The following FAF2 variants were observed in gnomAD, a reference collection of about 807,000 sequenced individuals.
FAF2 encodes FAS-associated factor 2.
In FAF2, 9 loss-of-function variants were observed where a neutral mutation model predicts 62.3. That is an observed-to-expected ratio of 0.14 (90% CI 0.09 to 0.25). FAF2 has a LOEUF of 0.25. Ranked by LOEUF, FAF2 falls within the 10% of genes least tolerant of loss-of-function variation. The pLI, the probability that FAF2 is intolerant of heterozygous loss-of-function variation, is 1.00. For synonymous variants in FAF2, 202 were observed against 198.0 expected (o/e 1.02, Z -0.17); for missense variants, 368 against 556.2 (o/e 0.66, Z 3.40).
intron 7 of FAF2, among the ~76,000 whole-genome samples, chr5:176,495,977 C>T (rs532842005): frequency 6.6e-6 from 1 of 152,102 alleles, no homozygotes; most frequent in Admixed American, 6.6e-5. Flanking sequence ...AGCCTTGTGC[C>T]CTTTTAGGTT....
chr5:176,482,931 A>G (rs950443665), intron 2 of FAF2, among the ~76,000 whole-genome samples: 11 of 151,634 alleles, frequency 7.3e-5, no homozygotes, highest in African/African-American at 1.5e-4. Context: ...TATTTTTAGT[A>G]GTGTTGGCCA....
intron 1 of FAF2, among the ~76,000 whole-genome samples, chr5:176,448,964 G>A (rs1416097573): frequency 2.6e-5 from 4 of 152,082 alleles, no homozygotes; most frequent in Non-Finnish European, 5.9e-5. Context: ...CGGGGAGGGG[G>A]CACCTACACA....
Position 176,507,007 on chromosome 5 carries a change from G to C in FAF2, c.*57G>C. On this transcript the variant is annotated 3_prime_UTR_variant, in exon 11 of 11. Coordinates refer to ENST00000261942, the MANE Select transcript of FAF2 (RefSeq NM_014613.3). ...GTCCCTAAAAGAAATGGGGAAAAAAGAAAACAACAGCAAGTCAGAAAAAAA... is the reference window on the plus strand; with the variant it reads ...GTCCCTAAAAGAAATGGGGAAAAAACAAAACAACAGCAAGTCAGAAAAAAA... The C allele has an allele frequency of 2.5e-6, 3 of 1,183,668 alleles. No homozygotes were observed. The highest frequency in any genetic ancestry group is 2.2e-6 in the Non-Finnish European group (2 of 904,086). The allele number at this position is 1,183,668 out of a possible 1,614,324, so 73.3% of individuals were successfully genotyped here. A position where few individuals can be genotyped will look rare whatever the true frequency, so the allele number is the denominator to read the frequency against.
rs149950028 is a variant in FAF2 at position 176,505,213 on chromosome 5, A to G, written c.1156-1555A>G. 2.3e-3 allele frequency among the ~76,000 whole-genome samples: 353 copies of G among 152,270 alleles called. 2 individuals carry two copies. The highest frequency in any genetic ancestry group is 8.3e-3 in the African/African-American group (346 of 41,562). ...TTCGTCATCTTTGGGGTTGATCTGAATGAGGTTGGCAGAATTGTTGTTAGA... is the reference window on the plus strand; with the variant it reads ...TTCGTCATCTTTGGGGTTGATCTGAGTGAGGTTGGCAGAATTGTTGTTAGA... On this transcript the variant is annotated intron_variant, in intron 10 of 10. Coordinates refer to ENST00000261942, the MANE Select transcript of FAF2 (RefSeq NM_014613.3).
chr5:176,459,169 C>G (rs899760680), intron 1 of FAF2, among the ~76,000 whole-genome samples: 4 of 149,530 alleles, frequency 2.7e-5, no homozygotes, highest in African/African-American at 9.9e-5. Context: ...TTTTTTTTCT[C>G]TTTCTCTTTG....
At chr5:176,475,290 C>T (rs962293114) in intron 1 of FAF2, among the ~76,000 whole-genome samples, 8 of 151,996 alleles carry the variant, frequency 5.3e-5, no homozygotes, top group Non-Finnish European at 7.4e-5. Flanking sequence ...CCACCACACC[C>T]GGCTAATTTT....
chr5:176,456,232 C>T lies in FAF2; in HGVS notation c.63+7762C>T, dbSNP rs532995979. ...GATTACAGGTGTGTGCCACCACACC[C>T]GGCTAATTTTTGTATTTTTAGTAGA... On this transcript the variant is annotated intron_variant, in intron 1 of 10. Coordinates refer to ENST00000261942, the MANE Select transcript of FAF2 (RefSeq NM_014613.3). 3.1e-4 allele frequency among the ~76,000 whole-genome samples: 47 copies of T among 152,146 alleles called. 1 individual carries two copies. Among genetic ancestry groups the T allele is most frequent in the Non-Finnish European group, 6.2e-4 (42 of 67,988 alleles).
chr5:176,484,103 C>T (rs910157573), intron 2 of FAF2, among the ~76,000 whole-genome samples: 1 of 151,844 alleles, frequency 6.6e-6, no homozygotes, highest in African/African-American at 2.4e-5. Context: ...AAAAAGGGGG[C>T]AGAGTCTAAA....
intron 8 of FAF2, 112 bp downstream of exon 8, chr5:176,496,775 T>TA: frequency 2.6e-6 from 2 of 775,134 alleles, no homozygotes; most frequent in East Asian, 5.9e-5. Context: ...CGCTATTAGC[T>TA]TTTAGCTTTG....
In FAF2 at chr5:176,507,231, T is replaced by C. The variant is rs1755700719; in HGVS notation, c.*281T>C. On this transcript the variant is annotated 3_prime_UTR_variant, in exon 11 of 11. Transcript: ENST00000261942. ...TGGCCTCTGTGCACGCACCTTCCAG[T>C]GAACAGAGACTCTTCACCTTCGACC... is the stretch of plus-strand genomic sequence containing the variant. 8.9e-6 allele frequency: 4 copies of C among 447,312 alleles called. No individual in the cohort carries two copies. Among genetic ancestry groups the C allele is most frequent in the East Asian group, 1.4e-4 (2 of 14,270 alleles). The allele number at this position is 447,312 out of a possible 1,614,324, so 27.7% of individuals were successfully genotyped here.
At chr5:176,502,996 C>T (rs904724558) in intron 10 of FAF2, among the ~76,000 whole-genome samples, 2 of 150,864 alleles carry the variant, frequency 1.3e-5, no homozygotes, top group Admixed American at 1.3e-4. Flanking sequence ...TGCAGTGGAC[C>T]GAGACTGCGC....
rs540499385 is a variant in FAF2, at chr5:176,505,485, G to T, written c.1156-1283G>T. 4.6e-5 allele frequency among the ~76,000 whole-genome samples: 7 copies of T among 152,276 alleles called. No individual in the cohort carries two copies. The East Asian group carries it at 1.4e-3, about 29-fold the overall frequency. Reference sequence around the variant, plus strand: ...TTGTATTGTATTTTTTTGTCCATAGGTTATTGGGGAACAGGTGGTGTTTGG... The same window carrying T: ...TTGTATTGTATTTTTTTGTCCATAGTTTATTGGGGAACAGGTGGTGTTTGG... On this transcript the variant is annotated intron_variant, in intron 10 of 10. Coordinates refer to ENST00000261942, the MANE Select transcript of FAF2 (RefSeq NM_014613.3).
At chr5:176,464,475 T>A (rs1758430865) in intron 1 of FAF2, among the ~76,000 whole-genome samples, 1 of 145,388 alleles carries the variant, frequency 6.9e-6, no homozygotes, top group Non-Finnish European at 1.5e-5. Flanking sequence ...TTCTGGTGTT[T>A]CCAAGCTGAT....
intron 1 of FAF2, among the ~76,000 whole-genome samples, chr5:176,451,883 T>C (rs1239395370): frequency 3.7e-5 from 1 of 27,312 alleles, no homozygotes; most frequent in Non-Finnish European, 6.6e-5. Flanking sequence ...CACATATATA[T>C]ATATATATAT....
At chr5:176,478,955 C>A (rs1758745811) in intron 1 of FAF2, among the ~76,000 whole-genome samples, 1 of 152,108 alleles carries the variant, frequency 6.6e-6, no homozygotes, top group South Asian at 2.1e-4. Context: ...AGTCAGTACT[C>A]CTCTTAATTG....
chr5:176,460,963 A>G (rs1758368152), intron 1 of FAF2, among the ~76,000 whole-genome samples: 1 of 152,066 alleles, frequency 6.6e-6, no homozygotes, highest in Non-Finnish European at 1.5e-5. Flanking sequence ...GACTCAAAAA[A>G]AGAAAGAAGT....
At chr5:176,492,005 G>T (rs565013628) in intron 4 of FAF2, among the ~76,000 whole-genome samples, 189 bp from the exon 5 acceptor site, 1 of 152,272 alleles carries the variant, frequency 6.6e-6, no homozygotes, top group South Asian at 2.1e-4. Flanking sequence ...ACAGGCAATA[G>T]AATAACACTT....
At chr5:176,450,898 G>C (rs1448006186) in intron 1 of FAF2, among the ~76,000 whole-genome samples, 2 of 152,118 alleles carry the variant, frequency 1.3e-5, no homozygotes, top group East Asian at 3.9e-4. Context: ...GCTGTATTAA[G>C]ATTGCCTTAT....
intron 7 of FAF2, among the ~76,000 whole-genome samples, chr5:176,495,615 G>A (rs1054405473): frequency 2.0e-5 from 3 of 151,108 alleles, no homozygotes; most frequent in African/African-American, 4.9e-5. Flanking sequence ...GGGTTCAAGC[G>A]ATTCTCCTGC....
Sources: allele counts gnomAD v4.1 joint callset (sites outside exome capture counted in the v4.1 genomes callset), GRCh38; gene constraint gnomAD v4.1.1; transcripts MANE v1.5; gene names NCBI Gene and HGNC (gene_info 2026-07-23, HGNC 2026-07-21).